WDFY4: variants seen among roughly 807,000 people sequenced by gnomAD.
The protein encoded by WDFY4 is WDFY family member 4.
WDFY4 carries 169 observed loss-of-function variants against 351.9 expected under a neutral mutation model. That is an observed-to-expected ratio of 0.48 (90% CI 0.42 to 0.55). WDFY4 has a LOEUF of 0.55. Among genes scored for constraint, WDFY4 ranks in the 20% least tolerant of loss-of-function variants. WDFY4 has a pLI of 0.00. For synonymous variants in WDFY4, 1,622 were observed against 1,574.6 expected (o/e 1.03, Z -0.71); for missense variants, 3,803 against 3,935.6 (o/e 0.97, Z 0.90).
chr10:48,711,550 G>A (rs1158605438), intron 2 of WDFY4, among the ~76,000 whole-genome samples: 1 of 152,166 alleles, frequency 6.6e-6, no homozygotes. Context: ...TGCATGGGCA[G>A]CCCGGGCTCT....
intron 9 of WDFY4, among the ~76,000 whole-genome samples, chr10:48,733,104 A>G (rs2064523828): frequency 6.6e-6 from 1 of 152,186 alleles, no homozygotes; most frequent in Non-Finnish European, 1.5e-5. Flanking sequence ...GTTCTGTCTT[A>G]TCTTAGCTGG....
chr10:48,871,472 C>T lies in WDFY4; in HGVS notation c.6742-2019C>T, dbSNP rs574905462. On this transcript the variant is annotated intron_variant, in intron 40 of 61. Coordinates refer to ENST00000325239, the MANE Select transcript of WDFY4 (RefSeq NM_001394531.1). Reference sequence around the variant, plus strand: ...GTCATTATTTTTCTGGTGGCCCCCCCCTTTTTTTTTTTTTCTGAGACAAGG... The same window carrying T: ...GTCATTATTTTTCTGGTGGCCCCCCTCTTTTTTTTTTTTTCTGAGACAAGG... 7.9e-5 allele frequency among the ~76,000 whole-genome samples: 12 copies of T among 151,444 alleles called. No individual in the cohort carries two copies. In the South Asian group the frequency reaches 2.1e-3, roughly 26 times the overall value.
chr10:48,820,140 A>G (rs1341644949), intron 32 of WDFY4, 94 bp from the exon 33 acceptor site: 2 of 1,348,430 alleles, frequency 1.5e-6, no homozygotes, highest in African/African-American at 1.4e-5. Flanking sequence ...GTCACTGGGC[A>G]TGACAATAAT....
At chr10:48,785,072 G>A (rs181864024) in intron 19 of WDFY4, among the ~76,000 whole-genome samples, 51 of 151,684 alleles carry the variant, frequency 3.4e-4, no homozygotes, top group African/African-American at 1.2e-3. Context: ...ATGTTAGCCA[G>A]GATGGTCTCG....
chr10:48,831,833 T>A (rs1433436609), intron 38 of WDFY4, among the ~76,000 whole-genome samples: 2 of 152,158 alleles, frequency 1.3e-5, no homozygotes, highest in Non-Finnish European at 2.9e-5. Flanking sequence ...CCTCCCATGT[T>A]GGAAGAGACA....
At position 48,727,394 on chromosome 10, in the gene WDFY4, G is replaced by A. The variant is rs114144273; in HGVS notation, c.782-76G>A. The A allele has an allele frequency of 1.9e-3, 2,638 of 1,389,976 alleles. 33 individuals carry two copies. In the African/African-American group the frequency reaches 0.033, roughly 17 times the overall value. 86.1% of individuals were successfully genotyped at this position (1,389,976 alleles called of 1,614,324 possible). On this transcript the variant is annotated intron_variant, in intron 6 of 61. Coordinates refer to ENST00000325239, the MANE Select transcript of WDFY4 (RefSeq NM_001394531.1). Reference sequence around the variant, plus strand: ...TGTCTTGACATGTTGTTTGGAGTAGGGGAGGTAGGTGGACCATGGCAGGAA... The same window carrying A: ...TGTCTTGACATGTTGTTTGGAGTAGAGGAGGTAGGTGGACCATGGCAGGAA...
chr10:48,756,923 A>G (rs1172892854), intron 12 of WDFY4, among the ~76,000 whole-genome samples: 1 of 152,108 alleles, frequency 6.6e-6, no homozygotes, highest in African/African-American at 2.4e-5. Flanking sequence ...TCTGTTTTCA[A>G]TATCAGGGTA....
At chr10:48,689,909 G>A (rs1169851533) in intron 1 of WDFY4, among the ~76,000 whole-genome samples, 7 of 152,230 alleles carry the variant, frequency 4.6e-5, no homozygotes, top group Non-Finnish European at 1.0e-4. Flanking sequence ...TGGAGACTCA[G>A]AGATGTAAGG....
rs544864199 is a variant in WDFY4 at position 48,822,588 on chromosome 10, C to G, written c.5982+51C>G. 1.2e-5 allele frequency: 17 copies of G among 1,428,326 alleles called. No homozygotes were observed. The African/African-American group carries it at 2.3e-4, about 19-fold the overall frequency. 88.5% of individuals were successfully genotyped at this position (1,428,326 alleles called of 1,614,324 possible). A position where few individuals can be genotyped will look rare whatever the true frequency, so the allele number is the denominator to read the frequency against. On this transcript the variant is annotated intron_variant, in intron 35 of 61. Coordinates refer to ENST00000325239, the MANE Select transcript of WDFY4 (RefSeq NM_001394531.1). ...TCTGTGTGGATCTGAATGATGTGCT[C>G]CTGGCTATTGTCCAGTTGGTTCCAC...
chr10:48,825,255 C>T (rs988566185), intron 35 of WDFY4, among the ~76,000 whole-genome samples: 5 of 152,198 alleles, frequency 3.3e-5, no homozygotes, highest in Admixed American at 1.3e-4. Flanking sequence ...ATAATGGCTT[C>T]CATCTCCATC....
Position 48,830,833 on chromosome 10 carries a change from G to A in WDFY4, c.6474G>A (p.Glu2158=). ...KPGEREVKIE[E]VTPLWEETML... ...GAGAGAGGGAAGTGAAGATTGAAGAGGTCACACCGCTCTGGGAGGAGACGA... is the reference window on the plus strand; with the variant it reads ...GAGAGAGGGAAGTGAAGATTGAAGAAGTCACACCGCTCTGGGAGGAGACGA... Residue 2158 remains glutamate, a synonymous_variant, in exon 38 of 62, where the codon GAG becomes GAA. Transcript: ENST00000325239. The A allele has an allele frequency of 1.2e-5, 18 of 1,551,618 alleles. No individual in the cohort carries two copies. The highest frequency in any genetic ancestry group is 1.5e-5 in the Non-Finnish European group (17 of 1,146,964).
chr10:48,839,752 G>A (rs1360953954), intron 39 of WDFY4, among the ~76,000 whole-genome samples: 2 of 152,216 alleles, frequency 1.3e-5, no homozygotes, highest in Non-Finnish European at 2.9e-5. Flanking sequence ...GGGAGGAAAA[G>A]TCTTTTGAGT....
intron 20 of WDFY4, among the ~76,000 whole-genome samples, chr10:48,787,814 T>TCTTCTTCTA (rs2066460353): frequency 9.7e-6 from 1 of 103,140 alleles, no homozygotes; most frequent in Non-Finnish European, 2.0e-5. Flanking sequence ...CTCCTCTTCT[T>TCTTCTTCTA]CTTCTTCTTC....
chr10:48,902,203 A>C (rs1837392885), intron 47 of WDFY4, among the ~76,000 whole-genome samples: 1 of 152,224 alleles, frequency 6.6e-6, no homozygotes, highest in Admixed American at 6.5e-5. Context: ...GTGTGTGAGC[A>C]ATCCCATGCT....
chr10:48,756,588 T>C (rs1053921805), intron 12 of WDFY4, among the ~76,000 whole-genome samples: 1 of 152,096 alleles, frequency 6.6e-6, no homozygotes, highest in Non-Finnish European at 1.5e-5. Flanking sequence ...GAATATAACA[T>C]CAGCTATGGG....
At chr10:48,711,257 T>C (rs2063761965) in intron 2 of WDFY4, among the ~76,000 whole-genome samples, 1 of 152,220 alleles carries the variant, frequency 6.6e-6, no homozygotes, top group South Asian at 2.1e-4. Flanking sequence ...AATTCATCAT[T>C]TTCCTCCATG....
At chr10:48,790,690 T>TA in intron 22 of WDFY4, 37 bp from the exon 23 acceptor site, 7 of 1,542,790 alleles carry the variant, frequency 4.5e-6, no homozygotes, top group Non-Finnish European at 6.1e-6. Flanking sequence ...AATGAAGCTG[T>TA]GACATGTTGA....
chr10:48,692,502 T>C (rs929977552), intron 1 of WDFY4, among the ~76,000 whole-genome samples: 3 of 152,234 alleles, frequency 2.0e-5, no homozygotes, highest in African/African-American at 7.2e-5. Context: ...TGTGATGATT[T>C]TCCCTCCCAA....
chr10:48,839,538 G>C (rs2068524101), intron 39 of WDFY4, among the ~76,000 whole-genome samples: 1 of 152,202 alleles, frequency 6.6e-6, no homozygotes, highest in Admixed American at 6.5e-5. Context: ...AGGACCCAGA[G>C]AGAGGTGAGA....
Sources: gnomAD v4.1 joint callset for allele counts (sites outside exome capture counted in the v4.1 genomes callset) on GRCh38, gnomAD v4.1.1 for gene constraint, MANE v1.5 for transcripts, NCBI Gene and HGNC (gene_info 2026-07-23, HGNC 2026-07-21) for gene names.